AP3S1: variants seen among roughly 807,000 people sequenced by gnomAD.
AP3S1 encodes the protein adaptor related protein complex 3 subunit sigma 1, also known as AP-3 complex subunit sigma-1.
In AP3S1, 12 loss-of-function variants were observed where a neutral mutation model predicts 21.3. The observed-to-expected ratio is 0.56, with a 90% confidence interval of 0.36 to 0.91. AP3S1 has a LOEUF of 0.91. AP3S1 is among the 40% of genes least tolerant of loss of function. The pLI, the probability that AP3S1 is intolerant of heterozygous loss-of-function variation, is 0.01. For missense variants in AP3S1, 116 were observed against 225.0 expected (o/e 0.52, Z 3.10); for synonymous variants, 48 against 78.4 (o/e 0.61, Z 2.05).
At chr5:115,862,650 C>A (rs1561484189) in intron 1 of AP3S1, among the ~76,000 whole-genome samples, 1 of 152,174 alleles carries the variant, frequency 6.6e-6, no homozygotes. Flanking sequence ...TGAGAATCTG[C>A]TTAAAATGCT....
chr5:115,864,335 C>T (rs530597582), intron 1 of AP3S1, among the ~76,000 whole-genome samples: 1 of 152,220 alleles, frequency 6.6e-6, no homozygotes, highest in East Asian at 1.9e-4. Flanking sequence ...TGGACAATCC[C>T]CCTGGCATCC....
intron 1 of AP3S1, among the ~76,000 whole-genome samples, chr5:115,863,644 C>T (rs1196358222): frequency 6.6e-6 from 1 of 152,130 alleles, no homozygotes; most frequent in African/African-American, 2.4e-5. Flanking sequence ...AAACTTTGCA[C>T]CTTTTGCAAA....
At chr5:115,903,013 A>G (rs1300008528) in intron 5 of AP3S1, 21 bp downstream of exon 5, 3 of 1,554,604 alleles carry the variant, frequency 1.9e-6, no homozygotes, top group East Asian at 2.3e-5. Context: ...AAAATGCTGT[A>G]GTTAAGAAGG....
rs1041327091 is a variant in AP3S1, at chr5:115,880,547, G to A, written c.273+10419G>A. Among the ~76,000 whole-genome samples the A allele has an allele frequency of 2.8e-4, 43 of 152,266 alleles. No homozygotes were observed. The East Asian group carries it at 6.2e-3, about 22-fold the overall frequency. On this transcript the variant is annotated intron_variant, in intron 3 of 5. Transcript: ENST00000316788. ...CTTAATCCTGAGTTCTAATTTGATA[G>A]CACTGTGGTCTGAGAGTCTGTTCAT... is the stretch of plus-strand genomic sequence containing the variant.
chr5:115,903,150 A>G (rs1246796273), intron 5 of AP3S1, 158 bp downstream of exon 5: 1 of 532,486 alleles, frequency 1.9e-6, no homozygotes. Flanking sequence ...GTAGTATGCT[A>G]AAGGTTCTGT....
chr5:115,842,462 G>T, intron 1 of AP3S1: 1 of 193,164 alleles, frequency 5.2e-6, no homozygotes, highest in African/African-American at 2.3e-5. Flanking sequence ...GTCCCCAAGA[G>T]CCCACCCCGC....
At chr5:115,877,921 G>C (rs918683045) in intron 3 of AP3S1, among the ~76,000 whole-genome samples, 1 of 152,108 alleles carries the variant, frequency 6.6e-6, no homozygotes, top group Admixed American at 6.5e-5. Flanking sequence ...ATCTCATTGT[G>C]GTTTTGATTT....
Position 115,913,290 on chromosome 5 carries a change from T to A in AP3S1, c.454-72T>A, listed in dbSNP as rs979805210. The A allele has an allele frequency of 2.4e-5, 25 of 1,049,454 alleles. No homozygotes were observed. In the African/African-American group the frequency reaches 4.3e-4, roughly 18 times the overall value. The allele number at this position is 1,049,454 out of a possible 1,614,324, so 65.0% of individuals were successfully genotyped here. On this transcript the variant is annotated intron_variant, in intron 5 of 5. Coordinates refer to ENST00000316788, the MANE Select transcript of AP3S1 (RefSeq NM_001284.4). ...GAAAATCTTTTATCATTGTCTTCCA[T>A]TGTAAGTGTTTTATGATGAGCTACA...
At chr5:115,881,631 A>G (rs1749300425) in intron 3 of AP3S1, among the ~76,000 whole-genome samples, 2 of 152,066 alleles carry the variant, frequency 1.3e-5, no homozygotes, top group African/African-American at 4.8e-5. Context: ...GGCTACCTTT[A>G]ACATTTTTTC....
chr5:115,895,272 C>T (rs1177482337), intron 4 of AP3S1, 114 bp downstream of exon 4: 2 of 720,310 alleles, frequency 2.8e-6, no homozygotes, highest in African/African-American at 3.7e-5. Context: ...TTATTCAATT[C>T]ATAATTTTTT....
intron 3 of AP3S1, among the ~76,000 whole-genome samples, chr5:115,883,498 CCCA>C (rs1288449929): frequency 6.6e-6 from 1 of 152,152 alleles, no homozygotes; most frequent in African/African-American, 2.4e-5. Flanking sequence ...GAGATGATGC[CCCA>C]CCCTGCTTCT....
intron 1 of AP3S1, among the ~76,000 whole-genome samples, chr5:115,856,982 C>T (rs1344646614): frequency 1.3e-5 from 2 of 152,096 alleles, no homozygotes; most frequent in Admixed American, 1.3e-4. Flanking sequence ...TTATTCCCAC[C>T]ACCAGCCGCT....
chr5:115,879,909 C>A (rs975114245), intron 3 of AP3S1, among the ~76,000 whole-genome samples: 1 of 152,082 alleles, frequency 6.6e-6, no homozygotes, highest in Non-Finnish European at 1.5e-5. Context: ...TTCAGAGATT[C>A]GACTTCTTCC....
At chr5:115,856,892 G>A (rs200226625) in intron 1 of AP3S1, among the ~76,000 whole-genome samples, 1 of 152,112 alleles carries the variant, frequency 6.6e-6, no homozygotes, top group South Asian at 2.1e-4. Context: ...CAGTTCAGTA[G>A]ATCACAAAAA....
At chr5:115,907,779 A>G (rs1751772180) in intron 5 of AP3S1, among the ~76,000 whole-genome samples, 1 of 152,166 alleles carries the variant, frequency 6.6e-6, no homozygotes. Flanking sequence ...TATTTCCTGT[A>G]CGTTTTTTCA....
intron 1 of AP3S1, among the ~76,000 whole-genome samples, chr5:115,847,387 A>T (rs1762140517): frequency 6.6e-6 from 1 of 152,140 alleles, no homozygotes; most frequent in Non-Finnish European, 1.5e-5. Context: ...GGAGGCCTAG[A>T]TGGGAGGATT....
At chr5:115,860,075 G>T (rs1283767688) in intron 1 of AP3S1, among the ~76,000 whole-genome samples, 1 of 152,184 alleles carries the variant, frequency 6.6e-6, no homozygotes, top group Non-Finnish European at 1.5e-5. Context: ...CTCTGGGAGA[G>T]AATCTATGTT....
At chr5:115,891,437 G>A (rs1453197791) in intron 3 of AP3S1, among the ~76,000 whole-genome samples, 1 of 152,204 alleles carries the variant, frequency 6.6e-6, no homozygotes, top group African/African-American at 2.4e-5. Flanking sequence ...CCAGTTGCAA[G>A]TAGTAGGTTG....
chr5:115,868,193 A>G (rs767124097), intron 2 of AP3S1, among the ~76,000 whole-genome samples: 13 of 152,216 alleles, frequency 8.5e-5, no homozygotes, highest in Non-Finnish European at 1.6e-4. Flanking sequence ...TACTTGCCGC[A>G]TTAATATTTT....
Sources: gnomAD v4.1 joint callset for allele counts (sites outside exome capture counted in the v4.1 genomes callset) on GRCh38, gnomAD v4.1.1 for gene constraint, MANE v1.5 for transcripts, NCBI Gene and HGNC (gene_info 2026-07-23, HGNC 2026-07-21) for gene names.